The following DTNBP1 variants were observed in gnomAD, a reference collection of about 807,000 sequenced individuals.
DTNBP1 encodes dysbindin.
In DTNBP1, 35 loss-of-function variants were observed where a neutral mutation model predicts 42.8. The ratio of observed to expected loss-of-function variants is 0.82; its 90% CI spans 0.63 to 1.09. The LOEUF is 1.09. Ranked by LOEUF, DTNBP1 falls within the 50% of genes least tolerant of loss-of-function variation. DTNBP1 has a pLI of 0.00. For missense variants in DTNBP1, 457 were observed against 424.2 expected (o/e 1.08, Z -0.68); for synonymous variants, 171 against 162.2 (o/e 1.05, Z -0.41).
intron 7 of DTNBP1, among the ~76,000 whole-genome samples, chr6:15,551,141 G>A (rs1774188070): frequency 6.6e-6 from 1 of 151,958 alleles, no homozygotes; most frequent in African/African-American, 2.4e-5. Context: ...TAAATGAGCA[G>A]AAAGAGAGGT....
intron 3 of DTNBP1, among the ~76,000 whole-genome samples, chr6:15,643,639 C>G (rs947196644): frequency 3.6e-4 from 54 of 151,984 alleles, no homozygotes; most frequent in African/African-American, 1.0e-3. Context: ...TATTTTTAGC[C>G]TCCTTAAAAA....
At chr6:15,640,223 G>T (rs1760265995) in intron 3 of DTNBP1, among the ~76,000 whole-genome samples, 1 of 152,146 alleles carries the variant, frequency 6.6e-6, no homozygotes, top group Non-Finnish European at 1.5e-5. Context: ...ATTGCTATTA[G>T]ATTGTTCCCT....
rs141325472 is a variant in DTNBP1 at position 15,654,301 on chromosome 6, T to C, written c.57-2161A>G. On this transcript the variant is annotated intron_variant, in intron 1 of 9. Transcript: ENST00000344537. The stretch of plus-strand genomic sequence containing the variant: ...CAAAACCTAGGGAAAACAATTTTTA[T>C]GGCCATGCTCTACCATTTCCACTAT... Among the ~76,000 whole-genome samples the C allele has an allele frequency of 4.0e-3, 613 of 152,330 alleles. 6 individuals carry two copies. Among genetic ancestry groups the C allele is most frequent in the African/African-American group, 0.014 (583 of 41,576 alleles).
At chr6:15,526,082 C>A (rs185385008) in intron 8 of DTNBP1, among the ~76,000 whole-genome samples, 275 of 152,282 alleles carry the variant, frequency 1.8e-3, no homozygotes, top group African/African-American at 6.4e-3. Flanking sequence ...AGCCAGAAGA[C>A]TGCGGAGTAA....
intron 7 of DTNBP1, among the ~76,000 whole-genome samples, chr6:15,541,845 T>A (rs1403424041): frequency 6.6e-6 from 1 of 152,148 alleles, no homozygotes; most frequent in Non-Finnish European, 1.5e-5. Context: ...ATATTCAACA[T>A]ACTCTACAAC....
At position 15,533,277 on chromosome 6, in the gene DTNBP1, G is replaced by T. The variant is rs747937400; in HGVS notation, c.630C>A (p.Tyr210Ter). 14 of 1,614,022 alleles carry T rather than the reference G, an allele frequency of 8.7e-6. No individual in the cohort carries two copies. In the South Asian group the frequency reaches 1.5e-4, roughly 18 times the overall value. Reference sequence around the variant, plus strand: ...CAATCTGCAGGTAGCCAGTGGACAGGTACTGCTCCATGTCCTGCTGGAAGG... The same window carrying T: ...CAATCTGCAGGTAGCCAGTGGACAGTTACTGCTCCATGTCCTGCTGGAAGG... Reference protein sequence around the residue: ...EEAFQQDMEQYLSTGYLQIAE... With the variant: ...EEAFQQDMEQ The change falls in exon 8 of 10, where the codon TAC (tyrosine) becomes TAA (stop). Residue 210 changes from tyrosine to a stop codon, truncating the protein, a stop_gained. Transcript: ENST00000344537. LOFTEE classifies it high-confidence loss of function.
chr6:15,632,443 A>G (rs1759746169), intron 4 of DTNBP1, among the ~76,000 whole-genome samples: 1 of 152,212 alleles, frequency 6.6e-6, no homozygotes, highest in Non-Finnish European at 1.5e-5. Flanking sequence ...ATTATACTAG[A>G]GTTTCTACCC....
chr6:15,655,292 T>A (rs1451719331), intron 1 of DTNBP1, among the ~76,000 whole-genome samples: 1 of 151,984 alleles, frequency 6.6e-6, no homozygotes, highest in Non-Finnish European at 1.5e-5. Context: ...CAGCTAGTTT[T>A]TAAAAACCCT....
At chr6:15,556,183 CT>C (rs112833362) in intron 7 of DTNBP1, among the ~76,000 whole-genome samples, 373 of 139,828 alleles carry the variant, frequency 2.7e-3, no homozygotes, top group Admixed American at 2.9e-3. Flanking sequence ...GTTAAAAAAT[CT>C]TTTTTTTTTT....
rs578018482 is a variant in DTNBP1, at chr6:15,568,967, T to C, written c.511+24092A>G. 2.2e-3 allele frequency among the ~76,000 whole-genome samples: 333 copies of C among 152,308 alleles called. 2 individuals are homozygous for C. The highest frequency in any genetic ancestry group is 7.6e-3 in the African/African-American group (316 of 41,572). On this transcript the variant is annotated intron_variant, in intron 7 of 9. Coordinates refer to ENST00000344537, the MANE Select transcript of DTNBP1 (RefSeq NM_032122.5). Reference sequence around the variant, plus strand: ...GGGGTCAGTCCCCTCAACCCCTGTGTTGTTCAAGAGTCAACTGTACTTTTT... The same window carrying C: ...GGGGTCAGTCCCCTCAACCCCTGTGCTGTTCAAGAGTCAACTGTACTTTTT...
intron 7 of DTNBP1, among the ~76,000 whole-genome samples, chr6:15,583,684 C>A (rs1471068687): frequency 6.6e-6 from 1 of 152,082 alleles, no homozygotes. Context: ...CATGTTCCAG[C>A]AAAAAGGTAA....
At chr6:15,653,562 A>G (rs1405427196) in intron 1 of DTNBP1, among the ~76,000 whole-genome samples, 1 of 152,228 alleles carries the variant, frequency 6.6e-6, no homozygotes. Context: ...CTTTTAATGT[A>G]AAATATGATG....
At chr6:15,539,053 G>A (rs1188360302) in intron 7 of DTNBP1, among the ~76,000 whole-genome samples, 2 of 152,146 alleles carry the variant, frequency 1.3e-5, no homozygotes, top group Non-Finnish European at 2.9e-5. Flanking sequence ...TGGTATGCAT[G>A]GCAGACCTTA....
intron 7 of DTNBP1, among the ~76,000 whole-genome samples, chr6:15,558,355 C>T (rs542020176): frequency 6.6e-6 from 1 of 151,748 alleles, no homozygotes; most frequent in South Asian, 2.1e-4. Context: ...CAACCTCTGC[C>T]TCCCAGGTTC....
intron 9 of DTNBP1, chr6:15,523,433 C>G (rs974417198): frequency 1.6e-6 from 2 of 1,276,746 alleles, no homozygotes; most frequent in African/African-American, 1.5e-5. Context: ...CTTCTGTCCC[C>G]TAAGGAGTCA....
chr6:15,547,245 G>A (rs1040410), intron 7 of DTNBP1, among the ~76,000 whole-genome samples: 19,292 of 152,154 alleles, frequency 0.13, 1,560 homozygotes, highest in African/African-American at 0.23. Flanking sequence ...CAAAAGGGTT[G>A]TACAGACAGA....
chr6:15,639,736 T>C (rs1313960963), intron 3 of DTNBP1, among the ~76,000 whole-genome samples: 1 of 152,246 alleles, frequency 6.6e-6, no homozygotes, highest in Non-Finnish European at 1.5e-5. Context: ...ATCTTTGTTA[T>C]CCTGGTAGTT....
chr6:15,553,799 G>C (rs941730753), intron 7 of DTNBP1, among the ~76,000 whole-genome samples: 1 of 151,868 alleles, frequency 6.6e-6, no homozygotes, highest in African/African-American at 2.4e-5. Flanking sequence ...CCCAAAATAT[G>C]GCACTGTGGC....
chr6:15,532,697 CTTT>C (rs373480713), intron 8 of DTNBP1, among the ~76,000 whole-genome samples: 1,928 of 93,074 alleles, frequency 0.021, 43 homozygotes, highest in African/African-American at 0.081. Flanking sequence ...TGTTTGTAAT[CTTT>C]TTTTTTTTTT....
Sources: allele counts gnomAD v4.1 joint callset (sites outside exome capture counted in the v4.1 genomes callset), GRCh38; gene constraint gnomAD v4.1.1; transcripts MANE v1.5; gene names NCBI Gene and HGNC (gene_info 2026-07-23, HGNC 2026-07-21).